ROBO2: variants seen among roughly 807,000 people sequenced by gnomAD.
The protein encoded by ROBO2 is roundabout guidance receptor 2.
Under a neutral mutation model 160.8 loss-of-function variants are expected in ROBO2, and 53 were observed. That is an observed-to-expected ratio of 0.33 (90% CI 0.26 to 0.41). The LOEUF (loss-of-function observed/expected upper bound fraction) is 0.41. ROBO2 is among the 10% of genes least tolerant of loss of function. ROBO2 has a pLI of 1.00. For missense variants in ROBO2, 1,577 were observed against 1,722.4 expected, an observed-to-expected ratio of 0.92 and a Z score of 1.49; for synonymous variants, 664 against 611.7, an observed-to-expected ratio of 1.09 and a Z score of -1.26.
At chr3:76,599,852 GA>G in intron 2 of ROBO2, among the ~76,000 whole-genome samples, 1 of 152,190 alleles carries the variant, frequency 6.6e-6, no homozygotes, top group Admixed American at 6.5e-5. Flanking sequence ...GTCTTCTTTT[GA>G]AAAGTGTCTG....
chr3:76,111,037 T>C (rs1217681208), intron 2 of ROBO2, among the ~76,000 whole-genome samples: 2 of 152,146 alleles, frequency 1.3e-5, no homozygotes, highest in Non-Finnish European at 2.9e-5. Context: ...AAATGATACG[T>C]TGAAGTCCTG....
intron 2 of ROBO2, among the ~76,000 whole-genome samples, chr3:77,427,031 G>A (rs1055128329): frequency 1.5e-4 from 19 of 129,334 alleles, no homozygotes; most frequent in African/African-American, 5.4e-4. Flanking sequence ...TTAACATTGA[G>A]CTGAAGCCTC....
intron 2 of ROBO2, among the ~76,000 whole-genome samples, chr3:77,205,998 A>G (rs1210465854): frequency 2.0e-5 from 3 of 152,110 alleles, no homozygotes; most frequent in African/African-American, 4.8e-5. Flanking sequence ...CTCCCTCTGA[A>G]TGCCCTGAGG....
intron 2 of ROBO2, among the ~76,000 whole-genome samples, chr3:76,570,649 T>A (rs1235021320): frequency 6.6e-6 from 1 of 152,190 alleles, no homozygotes; most frequent in Admixed American, 6.5e-5. Context: ...GAGCTCCCTC[T>A]ACTGTTCAAA....
chr3:76,668,362 C>T lies in ROBO2; in HGVS notation c.110-429652C>T, dbSNP rs188338752. Among the ~76,000 whole-genome samples, 48 of 152,196 alleles carry T rather than the reference C, an allele frequency of 3.2e-4. 1 individual carries two copies. In the East Asian group the frequency reaches 4.6e-3, roughly 15 times the overall value. Reference sequence around the variant, plus strand: ...GGCTCAAGTGATCCTCCCACCTCAGCCTCCCAAAGTATTGGAATTACAGGC... The same window carrying T: ...GGCTCAAGTGATCCTCCCACCTCAGTCTCCCAAAGTATTGGAATTACAGGC... On this transcript the variant is annotated intron_variant, in intron 2 of 26. Transcript: ENST00000487694.
At chr3:76,002,531 G>A (rs772660263) in intron 2 of ROBO2, among the ~76,000 whole-genome samples, 6 of 152,208 alleles carry the variant, frequency 3.9e-5, no homozygotes, top group Non-Finnish European at 5.9e-5. Flanking sequence ...AGATCTGTTG[G>A]TTTGATAAGG....
chr3:76,825,725 A>G (rs1334061822), intron 2 of ROBO2, among the ~76,000 whole-genome samples: 1 of 151,506 alleles, frequency 6.6e-6, no homozygotes, highest in East Asian at 2.0e-4. Context: ...TGTCATTATC[A>G]GTGTGAGTAG....
At chr3:77,006,119 T>C (rs1415727018) in intron 2 of ROBO2, among the ~76,000 whole-genome samples, 2 of 152,100 alleles carry the variant, frequency 1.3e-5, no homozygotes, top group Admixed American at 6.6e-5. Flanking sequence ...ACTTCTATAG[T>C]CATTCACACA....
chr3:77,297,112 T>C (rs1361911107), intron 2 of ROBO2, among the ~76,000 whole-genome samples: 2 of 152,096 alleles, frequency 1.3e-5, no homozygotes, highest in Admixed American at 1.3e-4. Flanking sequence ...CCATAGTCAT[T>C]AGATCAGTCT....
chr3:76,660,180 T>A (rs945738124), intron 2 of ROBO2, among the ~76,000 whole-genome samples: 10 of 152,332 alleles, frequency 6.6e-5, no homozygotes, highest in Non-Finnish European at 1.5e-4. Context: ...TGTGCATTTT[T>A]GTCTTTGGAT....
At chr3:77,069,387 T>C (rs2067180064) in intron 1 of ROBO2, among the ~76,000 whole-genome samples, 1 of 152,170 alleles carries the variant, frequency 6.6e-6, no homozygotes, top group African/African-American at 2.4e-5. Flanking sequence ...TTCATAATCA[T>C]GTGGGAGAAT....
chr3:77,282,420 A>G (rs1273350614), intron 2 of ROBO2, among the ~76,000 whole-genome samples: 1 of 152,104 alleles, frequency 6.6e-6, no homozygotes, highest in Non-Finnish European at 1.5e-5. Flanking sequence ...GAATAATAAA[A>G]TTTATTACAC....
intron 4 of ROBO2, among the ~76,000 whole-genome samples, chr3:77,491,773 T>C (rs1293011272): frequency 6.6e-6 from 1 of 152,178 alleles, no homozygotes; most frequent in African/African-American, 2.4e-5. Flanking sequence ...TGTCTTGTTT[T>C]ATTGCTTGGG....
rs574439508 is a variant in ROBO2, at chr3:76,659,523, A to G, written c.110-438491A>G. Among the ~76,000 whole-genome samples the G allele has an allele frequency of 3.7e-4, 57 of 152,140 alleles. 1 individual carries two copies. The South Asian group carries it at 0.011, about 29-fold the overall frequency. On this transcript the variant is annotated intron_variant, in intron 2 of 26. Coordinates refer to the ROBO2 transcript ENST00000487694. ...GCCTGTGAGAATCGGCTCACCCTGT[A>G]CTATAATTTCTCTCAGCTAATGGGC...
intron 2 of ROBO2, among the ~76,000 whole-genome samples, chr3:76,505,295 G>A (rs1331331468): frequency 1.3e-5 from 2 of 151,942 alleles, no homozygotes; most frequent in Non-Finnish European, 2.9e-5. Flanking sequence ...AAAAACCATC[G>A]GTTGTTTCCT....
intron 2 of ROBO2, among the ~76,000 whole-genome samples, chr3:76,884,198 T>C (rs981758681): frequency 2.6e-5 from 4 of 152,184 alleles, no homozygotes; most frequent in African/African-American, 9.6e-5. Flanking sequence ...CAGTTACAAA[T>C]ACAAAATAAG....
intron 2 of ROBO2, chr3:76,434,731 C>A (rs878997367): frequency 1.8e-6 from 2 of 1,091,704 alleles, no homozygotes; most frequent in Non-Finnish European, 2.8e-6. Context: ...CCAGTCTCTA[C>A]CAGTTGAGGC....
intron 2 of ROBO2, among the ~76,000 whole-genome samples, chr3:76,183,039 A>G (rs556818020): frequency 6.6e-6 from 1 of 152,196 alleles, no homozygotes; most frequent in Admixed American, 6.6e-5. Context: ...AGTGATGTTA[A>G]TTGCTTTGCT....
At chr3:76,329,469 G>A (rs1450083531) in intron 2 of ROBO2, among the ~76,000 whole-genome samples, 1 of 152,144 alleles carries the variant, frequency 6.6e-6, no homozygotes, top group Non-Finnish European at 1.5e-5. Context: ...CCGCCCGCCT[G>A]GGCCTCTCAA....
Sources: gnomAD v4.1 joint callset for allele counts (sites outside exome capture counted in the v4.1 genomes callset) on GRCh38, gnomAD v4.1.1 for gene constraint, MANE v1.5 for transcripts, NCBI Gene and HGNC (gene_info 2026-07-23, HGNC 2026-07-21) for gene names.